The following TRIM2 variants were observed in gnomAD, a reference collection of about 807,000 sequenced individuals.
TRIM2 encodes tripartite motif containing 2.
A neutral mutation model predicts 75.2 loss-of-function variants in TRIM2; 20 were observed. The observed-to-expected ratio is 0.27, with a 90% confidence interval of 0.19 to 0.39. The LOEUF (loss-of-function observed/expected upper bound fraction) is 0.39. TRIM2 is among the 10% of genes least tolerant of loss of function. TRIM2 has a pLI of 1.00. For synonymous variants in TRIM2, 373 were observed against 388.3 expected, an observed-to-expected ratio of 0.96 and a Z score of 0.46; for missense variants, 660 against 990.8, an observed-to-expected ratio of 0.67 and a Z score of 4.48.
rs1162971173 is a variant in TRIM2 at position 153,176,452 on chromosome 4, CA to C, written c.-49+23193del. ...TGGGCGACAGAGTGAGATCCTGTGT[CA>C]AAAAAAAAAAGGAATGATACAGCAA... On this transcript the variant is annotated intron_variant, in intron 1 of 11. Coordinates refer to the TRIM2 transcript ENST00000437508. Among the ~76,000 whole-genome samples the C allele has an allele frequency of 7.4e-3, 1,002 of 136,090 alleles. 6 individuals carry two copies. Among genetic ancestry groups the C allele is most frequent in the Non-Finnish European group, 0.011 (702 of 62,810 alleles). The allele number at this position is 136,090 out of a possible 152,430, so 89.3% of individuals were successfully genotyped here. A position where few individuals can be genotyped will look rare whatever the true frequency, so the allele number is the denominator to read the frequency against.
intron 8 of TRIM2, among the ~76,000 whole-genome samples, chr4:153,319,060 C>G (rs1768342074): frequency 6.6e-6 from 1 of 152,218 alleles, no homozygotes; most frequent in Admixed American, 6.5e-5. Context: ...GACAGAGATA[C>G]TTATTTTCTT....
At chr4:153,206,933 T>G (rs1342474716) in intron 1 of TRIM2, among the ~76,000 whole-genome samples, 2 of 151,966 alleles carry the variant, frequency 1.3e-5, no homozygotes. Context: ...CAGGCTGGAG[T>G]GCAGTGGCAT....
intron 1 of TRIM2, among the ~76,000 whole-genome samples, chr4:153,215,858 G>T (rs1738342672): frequency 6.6e-6 from 1 of 151,942 alleles, no homozygotes; most frequent in Admixed American, 6.6e-5. Flanking sequence ...ACCCTTTCAT[G>T]GTTCCTTTTA....
intron 1 of TRIM2, among the ~76,000 whole-genome samples, chr4:153,182,331 T>C (rs997943700): frequency 2.0e-5 from 3 of 152,158 alleles, no homozygotes; most frequent in Non-Finnish European, 4.4e-5. Context: ...GGCTCCTTGA[T>C]GTAATTGCCC....
At chr4:153,263,045 G>A (rs1161441323) in intron 1 of TRIM2, among the ~76,000 whole-genome samples, 2 of 152,146 alleles carry the variant, frequency 1.3e-5, no homozygotes, top group African/African-American at 4.8e-5. Flanking sequence ...ACTATCACAT[G>A]GGAGGCTGGG....
chr4:153,282,031 A>G (rs1450759202), intron 3 of TRIM2, among the ~76,000 whole-genome samples: 1 of 152,136 alleles, frequency 6.6e-6, no homozygotes, highest in Non-Finnish European at 1.5e-5. Flanking sequence ...CAAGACCTTG[A>G]CCATCTTTTT....
chr4:153,186,786 C>T (rs1732642198), intron 1 of TRIM2, among the ~76,000 whole-genome samples: 1 of 152,126 alleles, frequency 6.6e-6, no homozygotes, highest in South Asian at 2.1e-4. Context: ...AAAGCCTGCT[C>T]CTCTAGACCT....
At chr4:153,183,134 G>A (rs2149640788) in intron 1 of TRIM2, among the ~76,000 whole-genome samples, 1 of 152,306 alleles carries the variant, frequency 6.6e-6, no homozygotes, top group East Asian at 1.9e-4. Flanking sequence ...GACTGACCCT[G>A]CCATAGTCCA....
chr4:153,319,574 CA>C (rs1768468774), intron 8 of TRIM2, among the ~76,000 whole-genome samples: 1 of 151,928 alleles, frequency 6.6e-6, no homozygotes, highest in South Asian at 2.1e-4. Flanking sequence ...ACTAAAAACA[CA>C]AAAAATTATC....
chr4:153,200,783 T>C (rs192990741), upstream of TRIM2, among the ~76,000 whole-genome samples: 144 of 143,136 alleles, frequency 1.0e-3, no homozygotes, highest in Non-Finnish European at 1.8e-3. Flanking sequence ...TGGCACCTCA[T>C]TGTGGTTTTT....
chr4:153,176,451 T>C (rs1325934900), intron 1 of TRIM2, among the ~76,000 whole-genome samples: 1 of 148,460 alleles, frequency 6.7e-6, no homozygotes, highest in Admixed American at 6.7e-5. Flanking sequence ...AGATCCTGTG[T>C]CAAAAAAAAA....
intron 1 of TRIM2, among the ~76,000 whole-genome samples, chr4:153,198,710 A>G (rs1286861443): frequency 2.0e-5 from 3 of 152,192 alleles, no homozygotes; most frequent in African/African-American, 7.2e-5. Flanking sequence ...AAAGCAATTT[A>G]ATGTTTTCCC....
At position 153,338,377 on chromosome 4, in the gene TRIM2, G is replaced by A. The variant is rs1772699761; in HGVS notation, c.*3411G>A. 3 of 985,738 alleles carry A rather than the reference G, an allele frequency of 3.0e-6. No homozygotes were observed. Among genetic ancestry groups the A allele is most frequent in the Non-Finnish European group, 3.6e-6 (3 of 829,866 alleles). The allele number at this position is 985,738 out of a possible 1,614,324, so 61.1% of individuals were successfully genotyped here. A position where few individuals can be genotyped will look rare whatever the true frequency, so the allele number is the denominator to read the frequency against. ...TTCACTAGCTTCTGAAAAGGGAGGA[G>A]TATTTTTAGTTTGACAATTTAATAA... On this transcript the variant is annotated 3_prime_UTR_variant, in exon 12 of 12. Coordinates refer to ENST00000338700, the MANE Select transcript of TRIM2 (RefSeq NM_015271.5).
At chr4:153,292,327 T>C (rs1761986632) in intron 3 of TRIM2, among the ~76,000 whole-genome samples, 1 of 152,248 alleles carries the variant, frequency 6.6e-6, no homozygotes, top group African/African-American at 2.4e-5. Flanking sequence ...TTTTTTGTTT[T>C]TCACAATATA....
intron 1 of TRIM2, among the ~76,000 whole-genome samples, chr4:153,236,599 G>A (rs1745090550): frequency 6.6e-6 from 1 of 152,142 alleles, no homozygotes; most frequent in Non-Finnish European, 1.5e-5. Context: ...CCTTTATACA[G>A]CAGTTTCTTT....
At chr4:153,185,440 A>G (rs1396508155) in intron 1 of TRIM2, among the ~76,000 whole-genome samples, 1 of 151,452 alleles carries the variant, frequency 6.6e-6, no homozygotes, top group Non-Finnish European at 1.5e-5. Flanking sequence ...CAGAGGCTTG[A>G]TCATACTCTG....
intron 1 of TRIM2, among the ~76,000 whole-genome samples, chr4:153,179,302 A>G (rs954292450): frequency 6.7e-6 from 1 of 148,654 alleles, no homozygotes; most frequent in Non-Finnish European, 1.5e-5. Flanking sequence ...ACTTAAATTT[A>G]TGTTAAAATA....
At chr4:153,289,920 T>C (rs571507683) in intron 3 of TRIM2, among the ~76,000 whole-genome samples, 1 of 152,340 alleles carries the variant, frequency 6.6e-6, no homozygotes, top group African/African-American at 2.4e-5. Flanking sequence ...AGGGAAGAAG[T>C]CTTTTCACAT....
At chr4:153,318,526 C>G (rs1768200657) in intron 8 of TRIM2, among the ~76,000 whole-genome samples, 1 of 152,204 alleles carries the variant, frequency 6.6e-6, no homozygotes, top group South Asian at 2.1e-4. Flanking sequence ...GTAGCTCTAA[C>G]TTCTTCCCCC....
Sources: allele counts gnomAD v4.1 joint callset (sites outside exome capture counted in the v4.1 genomes callset), GRCh38; gene constraint gnomAD v4.1.1; transcripts MANE v1.5; gene names NCBI Gene and HGNC (gene_info 2026-07-23, HGNC 2026-07-21).